Variants in DLC1 observed in about 807,000 individuals in gnomAD.
DLC1 encodes rho GTPase-activating protein 7.
Under a neutral mutation model 140.3 loss-of-function variants are expected in DLC1, and 54 were observed. That is an observed-to-expected ratio of 0.38 (90% CI 0.31 to 0.48). DLC1 has a LOEUF of 0.48. Ranked by LOEUF, DLC1 falls within the 20% of genes least tolerant of loss-of-function variation. DLC1 has a pLI of 0.96. For missense variants in DLC1, 2,536 were observed against 1,907.0 expected (o/e 1.33, Z -6.14); for synonymous variants, 986 against 728.1 (o/e 1.35, Z -5.70).
rs562067931 is a variant in DLC1 at position 13,088,690 on chromosome 8, G to A, written c.4089C>T (p.Pro1363=). Residue 1363 remains proline, a synonymous_variant, in exon 16 of 18, where the codon CCC becomes CCT. Coordinates refer to ENST00000276297, the MANE Select transcript of DLC1 (RefSeq NM_182643.3). ...TGACTGACCTCCAAAGCCTCAGAGG[G>A]GGTCCTTCGCTCACCTGGAAAGAGG... ...ELSYKKVSEG[P]PLRLWRSVIE... 2 of 1,613,946 alleles carry A rather than the reference G, an allele frequency of 1.2e-6. No individual in the cohort carries two copies. The highest frequency in any genetic ancestry group is 1.7e-6 in the Non-Finnish European group (2 of 1,180,026).
intron 1 of DLC1, among the ~76,000 whole-genome samples, chr8:13,601,081 C>T (rs1805864644): frequency 6.6e-6 from 1 of 151,570 alleles, no homozygotes; most frequent in African/African-American, 2.4e-5. Flanking sequence ...TCATATAAAG[C>T]CCTCCTAAAG....
In DLC1 at chr8:13,086,319, T is replaced by C. The variant is rs374995070; in HGVS notation, c.4437A>G (p.Lys1479=). 1.7e-5 allele frequency: 27 copies of C among 1,614,074 alleles called. No homozygotes were observed. The highest frequency in any genetic ancestry group is 2.1e-5 in the Non-Finnish European group (25 of 1,180,046). ...AGTCAACTCTGCACATGTAGGTGAG[T>C]TTGGATTTTCCTGGCCCACAGGGTT... is the stretch of plus-strand genomic sequence containing the variant. ...LIEPCGPGKS[K]LTYMCRVDLR... is the part of the protein sequence containing the mutation. Residue 1479 remains lysine, a synonymous_variant, in exon 17 of 18, where the codon AAA becomes AAG. Transcript: ENST00000276297.
intron 4 of DLC1, among the ~76,000 whole-genome samples, chr8:13,323,286 A>T (rs1254575112): frequency 6.6e-6 from 1 of 152,276 alleles, no homozygotes; most frequent in Non-Finnish European, 1.5e-5. Context: ...TATTTTATAT[A>T]CATCTGTAAA....
chr8:13,307,178 T>G (rs901178605), intron 4 of DLC1, among the ~76,000 whole-genome samples: 1 of 149,622 alleles, frequency 6.7e-6, no homozygotes, highest in South Asian at 2.2e-4. Context: ...AATCTCAATC[T>G]ACATTTCGTT....
chr8:13,234,716 A>G (rs181086033), intron 5 of DLC1, among the ~76,000 whole-genome samples: 42 of 152,114 alleles, frequency 2.8e-4, no homozygotes, highest in Non-Finnish European at 5.4e-4. Flanking sequence ...TCAAATGAAC[A>G]CTGGAGAGTA....
intron 2 of DLC1, among the ~76,000 whole-genome samples, chr8:13,490,048 T>TA (rs33917633): frequency 0.76 from 114,425 of 150,968 alleles, 43,328 homozygotes; most frequent in Middle Eastern, 0.82. Context: ...AAAGGTTAAA[T>TA]ACACCCCCCA....
intron 4 of DLC1, among the ~76,000 whole-genome samples, chr8:13,334,240 C>T (rs762127824): frequency 6.6e-6 from 1 of 151,844 alleles, no homozygotes; most frequent in Non-Finnish European, 1.5e-5. Flanking sequence ...GTTGCAGATG[C>T]GGAGACCTTG....
At chr8:13,358,121 T>A (rs1563281619) in intron 4 of DLC1, among the ~76,000 whole-genome samples, 1 of 152,232 alleles carries the variant, frequency 6.6e-6, no homozygotes, top group South Asian at 2.1e-4. Flanking sequence ...TTTTGCTTTA[T>A]AACAAATATT....
chr8:13,604,219 T>C (rs907011108), intron 1 of DLC1, among the ~76,000 whole-genome samples: 18 of 152,120 alleles, frequency 1.2e-4, no homozygotes, highest in African/African-American at 4.3e-4. Flanking sequence ...GCAGAAATCA[T>C]CTCTCCAAAA....
intron 6 of DLC1, among the ~76,000 whole-genome samples, chr8:13,114,306 G>A (rs1429169364): frequency 1.3e-5 from 2 of 152,188 alleles, no homozygotes; most frequent in Non-Finnish European, 2.9e-5. Flanking sequence ...AGGTTGCAGT[G>A]AGCCAAAATC....
chr8:13,461,092 C>T (rs1799635878), intron 2 of DLC1, among the ~76,000 whole-genome samples: 1 of 152,170 alleles, frequency 6.6e-6, no homozygotes, highest in Non-Finnish European at 1.5e-5. Flanking sequence ...CATCTGTGGT[C>T]CCAGTTACTC....
intron 4 of DLC1, among the ~76,000 whole-genome samples, chr8:13,376,176 A>G (rs1175159742): frequency 6.6e-6 from 1 of 152,136 alleles, no homozygotes; most frequent in Admixed American, 6.5e-5. Flanking sequence ...ATGTCTGTGT[A>G]TTGGCTCCCA....
In DLC1 at chr8:13,401,506, T is replaced by G. The variant is rs1270405094; in HGVS notation, c.1137A>C (p.Pro379=). The G allele has an allele frequency of 3.1e-6, 5 of 1,612,794 alleles. No individual in the cohort carries two copies. The highest frequency in any genetic ancestry group is 3.4e-6 in the Non-Finnish European group (4 of 1,179,966). The change falls in exon 3 of 18, where the codon CCA becomes CCC. Residue 379 remains proline (P), a synonymous_variant. Coordinates refer to ENST00000276297, the MANE Select transcript of DLC1 (RefSeq NM_182643.3). ...GCCGCAGGTTTGTTGGTGTGCCTGA[T>G]GGAGAGGAGCTGGTGCTGAGGGCAT... is the stretch of plus-strand genomic sequence containing the variant. ...IENALSTSSS[P]SGTPTNLRRH... is the part of the protein sequence containing the mutation.
intron 4 of DLC1, among the ~76,000 whole-genome samples, chr8:13,355,133 A>G (rs1407435082): frequency 6.6e-6 from 1 of 151,684 alleles, no homozygotes; most frequent in Non-Finnish European, 1.5e-5. Context: ...AATTATTCAA[A>G]TAGTCTAAAT....
intron 2 of DLC1, among the ~76,000 whole-genome samples, chr8:13,428,248 T>C (rs1415675295): frequency 6.6e-6 from 1 of 152,158 alleles, no homozygotes; most frequent in African/African-American, 2.4e-5. Flanking sequence ...CTGTGTGCCC[T>C]GATACAATCA....
At chr8:13,201,506 T>C (rs1255094499) in intron 5 of DLC1, among the ~76,000 whole-genome samples, 1 of 152,148 alleles carries the variant, frequency 6.6e-6, no homozygotes, top group Non-Finnish European at 1.5e-5. Context: ...CTACAAGAAC[T>C]ATAAAATATA....
intron 5 of DLC1, among the ~76,000 whole-genome samples, chr8:13,134,430 G>GA (rs1822399613): frequency 6.6e-6 from 1 of 152,112 alleles, no homozygotes; most frequent in South Asian, 2.1e-4. Flanking sequence ...TTTCTCGTGG[G>GA]AAAAATGCAT....
intron 4 of DLC1, among the ~76,000 whole-genome samples, chr8:13,327,120 A>ATTTTTT (rs34667525): frequency 1.8e-4 from 15 of 85,632 alleles, no homozygotes; most frequent in Admixed American, 3.6e-4. Flanking sequence ...ACACCCGGCT[A>ATTTTTT]TTTTTTTTTT....
At chr8:13,365,728 C>T (rs73205714) in intron 4 of DLC1, among the ~76,000 whole-genome samples, 4 of 151,712 alleles carry the variant, frequency 2.6e-5, no homozygotes, top group Non-Finnish European at 4.4e-5. Flanking sequence ...GTGGGGAGAG[C>T]GGAATGTGAG....
Sources: allele counts gnomAD v4.1 joint callset (sites outside exome capture counted in the v4.1 genomes callset), GRCh38; gene constraint gnomAD v4.1.1; transcripts MANE v1.5; gene names NCBI Gene and HGNC (gene_info 2026-07-23, HGNC 2026-07-21).